The following BLM variants were observed in gnomAD, a reference collection of about 807,000 sequenced individuals.
BLM encodes the protein BLM RecQ like helicase.
In BLM, 95 loss-of-function variants were observed where a neutral mutation model predicts 135.3. The observed-to-expected ratio is 0.70, with a 90% CI of 0.59 to 0.83. BLM has a LOEUF of 0.83. BLM is among the 40% of genes least tolerant of loss of function. The pLI is 0.00. For missense variants in BLM, 1,518 were observed against 1,663.9 expected (o/e 0.91, Z 1.53); for synonymous variants, 520 against 589.2 (o/e 0.88, Z 1.70).
At position 90,747,467 on chromosome 15, in the gene BLM, A is replaced by G. The variant is rs1276887266; in HGVS notation, c.75A>G (p.Leu25=). 1 of 1,608,108 alleles carries G rather than the reference A, an allele frequency of 6.2e-7. No homozygotes were observed. The highest frequency in any genetic ancestry group is 8.5e-7 in the Non-Finnish European group (1 of 1,176,220). The change falls in exon 2 of 22, where the codon TTA becomes TTG. Residue 25 remains leucine, a synonymous_variant. Coordinates refer to ENST00000355112, the MANE Select transcript of BLM (RefSeq NM_000057.4). ...CAGCCAGAACACTTAATAATAAATT[A>G]AGTCTTTCAAAACCAAAATTTTCGT... ...RHSARTLNNK[L]SLSKPKFSGF...
At chr15:90,728,894 T>G (rs1399748922) in intron 1 of BLM, among the ~76,000 whole-genome samples, 1 of 151,942 alleles carries the variant, frequency 6.6e-6, no homozygotes, top group Non-Finnish European at 1.5e-5. Context: ...TAAAACAACA[T>G]AGAGGCCGGG....
Position 90,728,405 on chromosome 15 carries a change from A to C in BLM, c.-5+10965A>C, listed in dbSNP as rs114000052. On this transcript the variant is annotated intron_variant, in intron 1 of 21. Transcript: ENST00000355112. ...TTTTAGGTATATATTATTTTCTTTA[A>C]ATTTTTTTTGAGACAGGGTCTCACT... Among the ~76,000 whole-genome samples, 1,282 of 151,460 alleles carry C rather than the reference A, an allele frequency of 8.5e-3. 14 individuals carry two copies. The highest frequency in any genetic ancestry group is 0.03 in the African/African-American group (1,234 of 41,276).
chr15:90,806,044 A>T (rs913736357), intron 19 of BLM, among the ~76,000 whole-genome samples: 24 of 152,182 alleles, frequency 1.6e-4, no homozygotes, highest in Non-Finnish European at 2.5e-4. Context: ...ATAGGCACAG[A>T]GCTGTGGATA....
At chr15:90,794,517 T>G (rs902116719) in intron 16 of BLM, among the ~76,000 whole-genome samples, 160 bp downstream of exon 16, 3 of 151,952 alleles carry the variant, frequency 2.0e-5, no homozygotes, top group Non-Finnish European at 4.4e-5. Context: ...ATTTAAAAAG[T>G]AATTTCATGC....
At chr15:90,749,297 A>C in intron 2 of BLM, 70 bp from the exon 3 acceptor site, 2 of 1,150,488 alleles carry the variant, frequency 1.7e-6, no homozygotes, top group Non-Finnish European at 2.5e-6. Flanking sequence ...AGTTTAAAAA[A>C]TTAGTTTTGT....
intron 12 of BLM, among the ~76,000 whole-genome samples, chr15:90,779,058 G>T (rs753411355): frequency 7.9e-5 from 12 of 151,906 alleles, no homozygotes; most frequent in African/African-American, 2.4e-4. Context: ...GCTAATTTTC[G>T]TATTTTTAGT....
At chr15:90,753,353 G>A (rs1267576195) in intron 4 of BLM, among the ~76,000 whole-genome samples, 1 of 152,152 alleles carries the variant, frequency 6.6e-6, no homozygotes, top group Non-Finnish European at 1.5e-5. Context: ...TTTCTGCATT[G>A]TTGTAATCAA....
At chr15:90,797,915 G>T (rs918962625) in intron 16 of BLM, among the ~76,000 whole-genome samples, 7 of 152,180 alleles carry the variant, frequency 4.6e-5, no homozygotes, top group African/African-American at 1.7e-4. Context: ...TTGTGTGTTT[G>T]TGTGTGTGTC....
chr15:90,788,466 GT>G (rs1210685761), intron 14 of BLM, among the ~76,000 whole-genome samples: 1 of 58,866 alleles, frequency 1.7e-5, no homozygotes, highest in Non-Finnish European at 3.5e-5. Flanking sequence ...AAATGCCAGT[GT>G]TTTGTTTTTT....
At chr15:90,746,800 C>T (rs537135618) in intron 1 of BLM, among the ~76,000 whole-genome samples, 15 of 152,252 alleles carry the variant, frequency 9.9e-5, no homozygotes, top group African/African-American at 2.9e-4. Flanking sequence ...TATAGCTCAG[C>T]GTTACCACAG....
At chr15:90,798,833 A>G (rs753118759) in intron 17 of BLM, among the ~76,000 whole-genome samples, 10 of 152,132 alleles carry the variant, frequency 6.6e-5, no homozygotes, top group Non-Finnish European at 1.0e-4. Flanking sequence ...AATACAAAAA[A>G]TTAGCCAGGC....
chr15:90,761,183 A>G lies in BLM; in HGVS notation c.1810A>G (p.Lys604Glu). Residue 604 changes from lysine (K) to glutamate (E), a missense_variant, in exon 7 of 22, where the codon AAG (lysine) becomes GAG (glutamate). Physicochemically the swap from Lys to Glu is moderately conservative, Grantham distance 56. Coordinates refer to ENST00000355112, the MANE Select transcript of BLM (RefSeq NM_000057.4). ...KSVSERLSSA[K>E]TDCLPVSSTA... ...AGTATCAGAAAGACTTTCCTCAGCC[A>G]AGACAGACTGTCTTCCAGTGTCATC... The G allele has an allele frequency of 6.5e-7, 1 of 1,530,850 alleles. No individual in the cohort carries two copies. The highest frequency in any genetic ancestry group is 8.7e-7 in the Non-Finnish European group (1 of 1,143,832). 94.8% of individuals were successfully genotyped at this position (1,530,850 alleles called of 1,614,324 possible). A position where few individuals can be genotyped will look rare whatever the true frequency, so the allele number is the denominator to read the frequency against.
At chr15:90,813,181 A>C (rs962691148) in intron 21 of BLM, among the ~76,000 whole-genome samples, 1 of 152,182 alleles carries the variant, frequency 6.6e-6, no homozygotes, top group African/African-American at 2.4e-5. Flanking sequence ...ACTCCTAAAA[A>C]ACACGCATGG....
At chr15:90,751,696 C>T (rs776990371) in intron 3 of BLM, 91 bp from the exon 4 acceptor site, 32 of 1,098,546 alleles carry the variant, frequency 2.9e-5, no homozygotes, top group Non-Finnish European at 3.8e-5. Flanking sequence ...TTGTGACTTG[C>T]CAGAAGCACT....
intron 5 of BLM, among the ~76,000 whole-genome samples, chr15:90,755,704 T>C (rs1384998002): frequency 6.6e-6 from 1 of 152,208 alleles, no homozygotes; most frequent in African/African-American, 2.4e-5. Context: ...GATTTGCATG[T>C]TAGACTTCCA....
chr15:90,724,996 C>T (rs2151128323), intron 1 of BLM, among the ~76,000 whole-genome samples: 1 of 152,250 alleles, frequency 6.6e-6, no homozygotes, highest in Non-Finnish European at 1.5e-5. Context: ...GCAACCTCTA[C>T]CAGCTGGGTT....
intron 1 of BLM, among the ~76,000 whole-genome samples, chr15:90,736,848 A>G (rs1895231827): frequency 6.6e-6 from 1 of 152,234 alleles, no homozygotes; most frequent in South Asian, 2.1e-4. Context: ...TGCAAAAAGA[A>G]AAACAGGAAA....
rs2151190437 is a variant in BLM, at chr15:90,798,294, T to C, written c.3315T>C (p.Pro1105=). 1.9e-6 allele frequency: 3 copies of C among 1,613,122 alleles called. No individual in the cohort carries two copies. Among genetic ancestry groups the C allele is most frequent in the Non-Finnish European group, 2.5e-6 (3 of 1,179,472 alleles). Reference sequence around the variant, plus strand: ...TGAGAAATATAAAACATGTAGGTCCTTCTGGAAGATTTACTATGAATATGC... The same window carrying C: ...TGAGAAATATAAAACATGTAGGTCCCTCTGGAAGATTTACTATGAATATGC... The part of the protein sequence containing the change: ...QGMRNIKHVG[P]SGRFTMNMLV... The change falls in exon 17 of 22, where the codon CCT becomes CCC. Residue 1105 remains proline (P), a synonymous_variant. Coordinates refer to ENST00000355112, the MANE Select transcript of BLM (RefSeq NM_000057.4).
intron 12 of BLM, among the ~76,000 whole-genome samples, chr15:90,779,599 T>C (rs1896568406): frequency 6.6e-6 from 1 of 152,000 alleles, no homozygotes; most frequent in Admixed American, 6.6e-5. Flanking sequence ...ACTCTAGGAG[T>C]TTTTTGCAAA....
Sources: gnomAD v4.1 joint callset for allele counts (sites outside exome capture counted in the v4.1 genomes callset) on GRCh38, gnomAD v4.1.1 for gene constraint, MANE v1.5 for transcripts, NCBI Gene and HGNC (gene_info 2026-07-23, HGNC 2026-07-21) for gene names.